ADGRV1: variants seen among roughly 807,000 people sequenced by gnomAD.
ADGRV1 encodes the protein adhesion G protein-coupled receptor V1, also known as G-protein coupled receptor 98.
ADGRV1 carries 359 observed loss-of-function variants against 596.2 expected under a neutral mutation model. The ratio of observed to expected loss-of-function variants is 0.60; its 90% CI spans 0.55 to 0.66. The LOEUF is 0.66. ADGRV1 is among the 30% of genes least tolerant of loss of function. ADGRV1 has a pLI of 0.00. For missense variants in ADGRV1, 7,274 were observed against 7,575.6 expected, an observed-to-expected ratio of 0.96 and a Z score of 1.48; for synonymous variants, 2,681 against 2,679.2, an observed-to-expected ratio of 1.00 and a Z score of -0.02.
At chr5:91,102,434 C>A in intron 87 of ADGRV1, 94 bp downstream of exon 87, 1 of 1,110,406 alleles carries the variant, frequency 9.0e-7, no homozygotes, top group Non-Finnish European at 1.2e-6. Context: ...CATCCACACA[C>A]AGGTGAATTT....
intron 85 of ADGRV1, among the ~76,000 whole-genome samples, chr5:90,986,642 CAA>C (rs1482593318): frequency 6.7e-6 from 1 of 149,876 alleles, no homozygotes; most frequent in Non-Finnish European, 1.5e-5. Context: ...TATTGAAATT[CAA>C]AAGACTCCCT....
chr5:90,677,304 G>C (rs569671452), intron 25 of ADGRV1, among the ~76,000 whole-genome samples: 150 of 152,238 alleles, frequency 9.9e-4, no homozygotes, highest in African/African-American at 3.5e-3. Flanking sequence ...CAAATCTCAG[G>C]TAAGAGCAAG....
chr5:90,836,920 AC>A (rs376646148), intron 77 of ADGRV1, among the ~76,000 whole-genome samples: 9 of 152,376 alleles, frequency 5.9e-5, no homozygotes, highest in Admixed American at 4.6e-4. Context: ...ACAGAGACAT[AC>A]AATTCTCTTT....
At chr5:91,031,339 C>G (rs989890439) in intron 85 of ADGRV1, 2 of 1,288,830 alleles carry the variant, frequency 1.6e-6, no homozygotes, top group African/African-American at 2.9e-5. Flanking sequence ...GATACAATCC[C>G]ACTCCAATCT....
intron 1 of ADGRV1, among the ~76,000 whole-genome samples, chr5:90,579,099 G>A (rs915595833): frequency 3.3e-4 from 50 of 151,948 alleles, no homozygotes; most frequent in African/African-American, 1.1e-3. Context: ...TTGTGTCTCT[G>A]TCTCCTTCAG....
intron 73 of ADGRV1, 109 bp from the exon 74 acceptor site, chr5:90,810,124 A>C (rs1762299696): frequency 2.4e-5 from 20 of 848,754 alleles, no homozygotes; most frequent in Non-Finnish European, 3.4e-5. Flanking sequence ...GTCATTGTTA[A>C]GTTGCTGCCC....
At chr5:90,658,551 A>G (rs1224737502) in intron 21 of ADGRV1, among the ~76,000 whole-genome samples, 1 of 152,198 alleles carries the variant, frequency 6.6e-6, no homozygotes, top group Non-Finnish European at 1.5e-5. Flanking sequence ...CAAAGAACGT[A>G]TGTGTATACT....
At chr5:90,893,734 A>G (rs1039410668) in intron 83 of ADGRV1, among the ~76,000 whole-genome samples, 4 of 152,226 alleles carry the variant, frequency 2.6e-5, no homozygotes, top group African/African-American at 9.6e-5. Flanking sequence ...TTGTAAAAGA[A>G]TCTGAATCTT....
chr5:90,624,905 A>G (rs916829450), intron 5 of ADGRV1, among the ~76,000 whole-genome samples: 1 of 152,156 alleles, frequency 6.6e-6, no homozygotes. Flanking sequence ...AATGGTTGAG[A>G]AAAAACAGCT....
intron 83 of ADGRV1, among the ~76,000 whole-genome samples, chr5:90,938,193 G>A (rs1001063560): frequency 5.3e-5 from 8 of 151,862 alleles, no homozygotes; most frequent in African/African-American, 1.9e-4. Context: ...TTGAGTAAGA[G>A]GGGAAAATAA....
chr5:90,611,656 C>T (rs16868837), intron 1 of ADGRV1, among the ~76,000 whole-genome samples: 1,889 of 151,778 alleles, frequency 0.012, 40 homozygotes, highest in African/African-American at 0.043. Context: ...GTTTGAAATT[C>T]ATTTTATAGA....
chr5:91,149,392 T>C (rs915435070), intron 87 of ADGRV1, among the ~76,000 whole-genome samples: 1 of 152,208 alleles, frequency 6.6e-6, no homozygotes, highest in African/African-American at 2.4e-5. Context: ...CTGATGGTTT[T>C]ATAAGCGTCT....
At chr5:90,871,643 C>A (rs1258858490) in intron 83 of ADGRV1, among the ~76,000 whole-genome samples, 1 of 152,216 alleles carries the variant, frequency 6.6e-6, no homozygotes, top group Admixed American at 6.5e-5. Context: ...CAGTTTGGAA[C>A]CTTTTATTAC....
chr5:90,598,882 G>T (rs73179747), intron 1 of ADGRV1, among the ~76,000 whole-genome samples: 1 of 152,094 alleles, frequency 6.6e-6, no homozygotes, highest in Non-Finnish European at 1.5e-5. Context: ...AATAATCTTC[G>T]TTACATCACA....
At chr5:90,677,050 A>G (rs1372971591) in intron 25 of ADGRV1, among the ~76,000 whole-genome samples, 2 of 152,158 alleles carry the variant, frequency 1.3e-5, no homozygotes. Context: ...TACGATATGC[A>G]TTGTTAATTA....
chr5:90,783,471 G>GT (rs1415111259), intron 66 of ADGRV1, 146 bp downstream of exon 66: 1 of 650,824 alleles, frequency 1.5e-6, no homozygotes, highest in Non-Finnish European at 2.7e-6. Context: ...GGTACTAGGG[G>GT]TAGGGAAAGA....
chr5:90,919,909 G>A (rs912932034), intron 83 of ADGRV1, among the ~76,000 whole-genome samples: 9 of 149,460 alleles, frequency 6.0e-5, no homozygotes, highest in South Asian at 2.1e-4. Context: ...CAGGAGAATC[G>A]CTTGGACCCA....
chr5:91,099,200 C>T (rs1791147045), intron 86 of ADGRV1, among the ~76,000 whole-genome samples: 1 of 151,742 alleles, frequency 6.6e-6, no homozygotes, highest in African/African-American at 2.4e-5. Flanking sequence ...ATAATTTTGA[C>T]AATTTGTATA....
At chr5:90,904,024 T>G (rs1772090943) in intron 83 of ADGRV1, among the ~76,000 whole-genome samples, 1 of 152,114 alleles carries the variant, frequency 6.6e-6, no homozygotes, top group Non-Finnish European at 1.5e-5. Flanking sequence ...GATCTTTGTC[T>G]TTCTGTACCT....
Sources: allele counts gnomAD v4.1 joint callset (sites outside exome capture counted in the v4.1 genomes callset), GRCh38; gene constraint gnomAD v4.1.1; transcripts MANE v1.5; gene names NCBI Gene and HGNC (gene_info 2026-07-23, HGNC 2026-07-21).